HEPH: variants seen among roughly 807,000 people sequenced by gnomAD.
HEPH encodes hephaestin.
In HEPH, 69 loss-of-function variants were observed where a neutral mutation model predicts 80.8. The observed-to-expected ratio is 0.85, with a 90% CI of 0.70 to 1.04. HEPH has a LOEUF of 1.04. Ranked by LOEUF, HEPH falls within the 50% of genes least tolerant of loss-of-function variation. HEPH has a pLI of 0.00. For missense variants in HEPH, 1,115 were observed against 891.3 expected (o/e 1.25, Z -3.20); for synonymous variants, 431 against 322.8 (o/e 1.34, Z -3.60).
At chrX:66,250,710 C>A (rs774474050) in intron 15 of HEPH, among the ~76,000 whole-genome samples, 19 of 111,939 alleles carry the variant, frequency 1.7e-4, no homozygotes, top group Non-Finnish European at 3.6e-4. Context: ...CAGCGTAATT[C>A]TCTGGAGATT....
chrX:66,251,819 A>G (rs2091015416), intron 15 of HEPH, among the ~76,000 whole-genome samples: 1 of 112,087 alleles, frequency 8.9e-6, no homozygotes, highest in Non-Finnish European at 1.9e-5. Context: ...GAATAATAAG[A>G]AATGAGTTTG....
intron 17 of HEPH, 50 bp from the exon 18 acceptor site, chrX:66,258,790 T>C (rs1157063693): frequency 1.1e-5 from 11 of 1,034,870 alleles, no homozygotes; most frequent in Non-Finnish European, 6.4e-6. Context: ...AAAGGAGAGA[T>C]GTAAGAAGCT....
chrX:66,261,538 GTTT>G (rs5902598), intron 19 of HEPH, among the ~76,000 whole-genome samples: 35 of 91,619 alleles, frequency 3.8e-4, no homozygotes, highest in South Asian at 1.6e-3. Context: ...TCAAGGCTGT[GTTT>G]TTTTTTTTTT....
intron 15 of HEPH, among the ~76,000 whole-genome samples, chrX:66,248,974 C>A (rs1373673398): frequency 9.0e-6 from 1 of 111,364 alleles, no homozygotes; most frequent in Non-Finnish European, 1.9e-5. Flanking sequence ...TAAAGGCCAT[C>A]AGTGTTGTGG....
intron 15 of HEPH, among the ~76,000 whole-genome samples, chrX:66,220,312 G>A (rs1299451249): frequency 9.0e-6 from 1 of 111,453 alleles, no homozygotes; most frequent in African/African-American, 3.3e-5. Context: ...ATCATAGAAG[G>A]TTTGAAATAC....
chrX:66,179,535 G>A (rs1184131452), intron 4 of HEPH, among the ~76,000 whole-genome samples: 1 of 111,496 alleles, frequency 9.0e-6, no homozygotes, highest in Admixed American at 9.6e-5. Flanking sequence ...ATTACCTTGG[G>A]CAGTATTGGA....
chrX:66,191,985 G>T, intron 6 of HEPH, 145 bp from the exon 7 acceptor site: 3 of 509,735 alleles, frequency 5.9e-6, no homozygotes, highest in Non-Finnish European at 9.3e-6. Flanking sequence ...CTTTAAGAGT[G>T]AGAGAAAGCG....
At position 66,193,554 on chromosome X, in the gene HEPH, T is replaced by G; in HGVS notation, c.1285T>G (p.Trp429Gly). 1 of 1,189,089 alleles carries G rather than the reference T, an allele frequency of 8.4e-7. No individual in the cohort carries two copies. Among genetic ancestry groups the G allele is most frequent in the Non-Finnish European group, 1.1e-6 (1 of 878,174 alleles). The change falls in exon 8 of 21, where the codon TGG (tryptophan) becomes GGG (glycine). Residue 429 changes from tryptophan (W) to glycine (G), a missense_variant. By Grantham distance (184) the Trp-to-Gly change is radical. Coordinates refer to ENST00000343002, the MANE Select transcript of HEPH (RefSeq NM_001367233.3). Reference protein sequence around the residue: ...KSSSRIGGTYWKVRYEAFQDE... With the variant: ...KSSSRIGGTYGKVRYEAFQDE... Reference sequence around the variant, plus strand: ...CTCCAGCCGAATTGGGGGCACTTACTGGAAAGTGCGATATGAAGCCTTTCA... The same window carrying G: ...CTCCAGCCGAATTGGGGGCACTTACGGGAAAGTGCGATATGAAGCCTTTCA...
At chrX:66,186,478 A>G (rs957424110) in intron 4 of HEPH, among the ~76,000 whole-genome samples, 2 of 112,083 alleles carry the variant, frequency 1.8e-5, no homozygotes, top group African/African-American at 6.5e-5. Flanking sequence ...AGGTGCGTCC[A>G]TCACCCCTTT....
chrX:66,168,472 G>T (rs2086463082), intron 1 of HEPH, among the ~76,000 whole-genome samples: 1 of 111,459 alleles, frequency 9.0e-6, no homozygotes, highest in Non-Finnish European at 1.9e-5. Flanking sequence ...TAATCCCCAA[G>T]GCTACACAGC....
chrX:66,203,020 C>A (rs2088553899), intron 12 of HEPH, among the ~76,000 whole-genome samples: 1 of 104,464 alleles, frequency 9.6e-6, no homozygotes, highest in African/African-American at 3.5e-5. Flanking sequence ...GATAGGGTTA[C>A]CAACCATGGC....
intron 10 of HEPH, 120 bp from the exon 11 acceptor site, chrX:66,198,758 T>C (rs949197635): frequency 1.4e-4 from 78 of 540,546 alleles, no homozygotes; most frequent in Non-Finnish European, 2.2e-4. Context: ...GGAGGTATGG[T>C]CTCAAAATGG....
intron 8 of HEPH, among the ~76,000 whole-genome samples, chrX:66,193,888 C>A (rs1432240708): frequency 8.9e-6 from 1 of 112,084 alleles, no homozygotes; most frequent in Non-Finnish European, 1.9e-5. Context: ...TTTTGTTTAT[C>A]ATGAATCTCC....
At chrX:66,248,831 G>A (rs2090907390) in intron 15 of HEPH, among the ~76,000 whole-genome samples, 1 of 111,762 alleles carries the variant, frequency 8.9e-6, no homozygotes, top group Admixed American at 9.5e-5. Context: ...TGTGCTTTCA[G>A]GTTTCCACTG....
intron 15 of HEPH, among the ~76,000 whole-genome samples, chrX:66,237,672 CTT>C (rs2090417778): frequency 8.9e-6 from 1 of 111,916 alleles, no homozygotes. Flanking sequence ...TGTTGAATAT[CTT>C]TGTTCATTTT....
chrX:66,231,826 T>G (rs1185925932), intron 15 of HEPH, among the ~76,000 whole-genome samples: 4 of 106,407 alleles, frequency 3.8e-5, no homozygotes, highest in African/African-American at 1.4e-4. Context: ...TGAATAGGAG[T>G]GGTGAGAGAG....
At chrX:66,218,822 T>G (rs898614273) in intron 15 of HEPH, among the ~76,000 whole-genome samples, 10 of 102,450 alleles carry the variant, frequency 9.8e-5, no homozygotes, top group African/African-American at 3.5e-4. Context: ...ACAGTGCTTT[T>G]CTATACAATG....
At chrX:66,204,842 A>T (rs2088674284) in intron 13 of HEPH, among the ~76,000 whole-genome samples, 1 of 112,212 alleles carries the variant, frequency 8.9e-6, no homozygotes, top group African/African-American at 3.2e-5. Flanking sequence ...GAAAAGAGAT[A>T]TTTACATCAG....
At chrX:66,203,682 T>C (rs1203221132) in intron 13 of HEPH, 105 bp downstream of exon 13, 1 of 657,333 alleles carries the variant, frequency 1.5e-6, no homozygotes, top group African/African-American at 2.2e-5. Context: ...TCTCCTAATG[T>C]GATACCAACA....
Sources: gnomAD v4.1 joint callset for allele counts (sites outside exome capture counted in the v4.1 genomes callset) on GRCh38, gnomAD v4.1.1 for gene constraint, MANE v1.5 for transcripts, NCBI Gene and HGNC (gene_info 2026-07-23, HGNC 2026-07-21) for gene names.